Variants in ACAA2 observed in about 807,000 individuals in gnomAD.
The protein encoded by ACAA2 is acetyl-CoA acyltransferase 2.
In ACAA2, 35 loss-of-function variants were observed where a neutral mutation model predicts 44.8. That is an observed-to-expected ratio of 0.78 (90% CI 0.60 to 1.04). The LOEUF (loss-of-function observed/expected upper bound fraction) is 1.04, where lower values mean the gene tolerates loss of function less well. ACAA2 is among the 50% of genes least tolerant of loss of function. The pLI is 0.00. For synonymous variants in ACAA2, 142 were observed against 166.5 expected (o/e 0.85, Z 1.13); for missense variants, 468 against 482.6 (o/e 0.97, Z 0.28).
At chr18:49,785,839 A>C (rs957552519) in intron 8 of ACAA2, 110 of 156,644 alleles carry the variant, frequency 7.0e-4, no homozygotes, top group Non-Finnish European at 7.0e-5. Context: ...GCAAGTACTC[A>C]ATAAGTGGTT....
intron 9 of ACAA2, 29 bp from the exon 10 acceptor site, chr18:49,783,960 A>G: frequency 6.3e-7 from 1 of 1,578,262 alleles, no homozygotes; most frequent in Non-Finnish European, 8.7e-7. Flanking sequence ...ACTGAAATCT[A>G]CTCTAATAAA....
At chr18:49,799,963 G>A (rs934794715) in intron 2 of ACAA2, among the ~76,000 whole-genome samples, 2 of 150,242 alleles carry the variant, frequency 1.3e-5, no homozygotes, top group African/African-American at 4.9e-5. Context: ...TCTAAGTGAG[G>A]AGCCCCTCCG....
At chr18:49,805,876 C>G (rs2023605679) in intron 1 of ACAA2, among the ~76,000 whole-genome samples, 1 of 152,028 alleles carries the variant, frequency 6.6e-6, no homozygotes, top group Admixed American at 6.6e-5. Context: ...TAGGCATGAG[C>G]TACTGCACCT....
chr18:49,795,529 C>A (rs911694349), intron 4 of ACAA2, among the ~76,000 whole-genome samples: 2 of 152,108 alleles, frequency 1.3e-5, no homozygotes, highest in Non-Finnish European at 2.9e-5. Flanking sequence ...AATTATACTA[C>A]TAGAGGTCTG....
intron 5 of ACAA2, among the ~76,000 whole-genome samples, chr18:49,792,798 G>A (rs1469690873): frequency 6.6e-6 from 1 of 151,896 alleles, no homozygotes; most frequent in Non-Finnish European, 1.5e-5. Flanking sequence ...GAGGATTTAC[G>A]ATACCATCAT....
intron 3 of ACAA2, 25 bp from the exon 4 acceptor site, chr18:49,795,906 A>G (rs1257079932): frequency 3.4e-6 from 5 of 1,461,420 alleles, no homozygotes; most frequent in African/African-American, 1.4e-5. Flanking sequence ...ACAGTAATAA[A>G]AACTCCTTTT....
At position 49,782,989 on chromosome 18, in the gene ACAA2, C is replaced by G. The variant is rs577811159; in HGVS notation, c.*858G>C. The G allele has an allele frequency of 7.0e-4, 106 of 151,360 alleles. No homozygotes were observed. Among genetic ancestry groups the G allele is most frequent in the African/African-American group, 2.5e-3 (102 of 41,194 alleles). 9.4% of individuals were successfully genotyped at this position (151,360 alleles called of 1,614,324 possible). A position where few individuals can be genotyped will look rare whatever the true frequency, so the allele number is the denominator to read the frequency against. On this transcript the variant is annotated 3_prime_UTR_variant, in exon 10 of 10. Transcript: ENST00000285093. ...ACTAGATATCCAGTCTTAGAACAGACAAATAAAGCAATGGAAGTGTTGTGG... is the reference window on the plus strand; with the variant it reads ...ACTAGATATCCAGTCTTAGAACAGAGAAATAAAGCAATGGAAGTGTTGTGG...
chr18:49,795,711 G>C, intron 4 of ACAA2, 54 bp downstream of exon 4: 2 of 1,106,216 alleles, frequency 1.8e-6, no homozygotes, highest in Non-Finnish European at 1.3e-6. Context: ...GTTATTAAAA[G>C]TACTTATATA....
chr18:49,794,515 C>A, intron 4 of ACAA2, 88 bp from the exon 5 acceptor site: 1 of 1,086,250 alleles, frequency 9.2e-7, no homozygotes, highest in Non-Finnish European at 1.2e-6. Flanking sequence ...TCAACACTTC[C>A]AATAAACAAA....
intron 2 of ACAA2, among the ~76,000 whole-genome samples, chr18:49,801,028 G>A (rs1001175040): frequency 1.3e-5 from 2 of 151,998 alleles, no homozygotes; most frequent in Non-Finnish European, 2.9e-5. Context: ...TTCTAGCCAG[G>A]GCAATTAGGG....
At chr18:49,803,239 A>AAATAATAATAAT (rs10639158) in intron 1 of ACAA2, among the ~76,000 whole-genome samples, 9,091 of 142,276 alleles carry the variant, frequency 0.064, 312 homozygotes, top group East Asian at 0.081. Flanking sequence ...CTGGTAGTTA[A>AAATAATAATAAT]AATAATAATA....
chr18:49,793,898 A>G (rs903230404), intron 5 of ACAA2, among the ~76,000 whole-genome samples: 5 of 152,152 alleles, frequency 3.3e-5, no homozygotes, highest in African/African-American at 4.8e-5. Context: ...CCTTCTTATG[A>G]TTATGATATG....
intron 5 of ACAA2, among the ~76,000 whole-genome samples, chr18:49,792,963 A>C (rs911230034): frequency 7.9e-5 from 12 of 152,178 alleles, no homozygotes; most frequent in Non-Finnish European, 4.4e-5. Flanking sequence ...TTTAAAAATT[A>C]TATTTTTTTA....
At chr18:49,789,869 A>G (rs2023377902) in intron 7 of ACAA2, among the ~76,000 whole-genome samples, 1 of 152,138 alleles carries the variant, frequency 6.6e-6, no homozygotes. Flanking sequence ...CTGTAATCCC[A>G]GCTACTGGGA....
In ACAA2 at chr18:49,787,360, A is replaced by C. The variant is rs2023345158; in HGVS notation, c.885T>G (p.Gly295=). 7.0e-7 allele frequency: 1 copy of C among 1,430,036 alleles called. No individual in the cohort carries two copies. The highest frequency in any genetic ancestry group is 2.9e-5 in the Admixed American group (1 of 34,372). The allele number at this position is 1,430,036 out of a possible 1,614,324, so 88.6% of individuals were successfully genotyped here. The part of the protein sequence containing the change: ...SGCDPSIMGI[G]PVPAISGALK... ...GTGCCCCACTGATAGCAGGGACAGG[A>C]CCTATATAATAATAAAAATCTTCTA... The change falls in exon 8 of 10, where the codon GGT becomes GGG. Residue 295 remains glycine, a splice_region_variant and synonymous_variant. Coordinates refer to ENST00000285093, the MANE Select transcript of ACAA2 (RefSeq NM_006111.3).
At chr18:49,799,181 G>C (rs2023498757) in intron 2 of ACAA2, among the ~76,000 whole-genome samples, 5 of 152,190 alleles carry the variant, frequency 3.3e-5, no homozygotes, top group African/African-American at 9.6e-5. Flanking sequence ...TTCTCAATCT[G>C]ACAAAGGGAA....
At position 49,794,366 on chromosome 18, in the gene ACAA2, G is replaced by A; in HGVS notation, c.491C>T (p.Thr164Ile). 2.5e-6 allele frequency: 4 copies of A among 1,611,278 alleles called. No individual in the cohort carries two copies. The highest frequency in any genetic ancestry group is 2.2e-5 in the East Asian group (1 of 44,766). Reference protein sequence around the residue: ...DQHVQLPMAMTAENLAVKHKI... With the variant: ...DQHVQLPMAMIAENLAVKHKI... Reference sequence around the variant, plus strand: ...GTGTTTTACAGCAAGATTCTCTGCAGTCATTGCCATGGGGAGCTGGACATG... The same window carrying A: ...GTGTTTTACAGCAAGATTCTCTGCAATCATTGCCATGGGGAGCTGGACATG... Residue 164 changes from threonine to isoleucine, a missense_variant, in exon 5 of 10, where the codon ACT becomes ATT. Thr to Ile is a moderately conservative substitution (Grantham distance 89). Transcript: ENST00000285093.
intron 5 of ACAA2, among the ~76,000 whole-genome samples, chr18:49,793,501 ATCC>A (rs1008895348): frequency 1.3e-5 from 2 of 152,170 alleles, no homozygotes; most frequent in Admixed American, 6.5e-5. Flanking sequence ...TTCTAGACCA[ATCC>A]TCTTCCACTA....
intron 1 of ACAA2, chr18:49,812,893 G>A (rs2143988811): frequency 6.6e-6 from 1 of 152,394 alleles, no homozygotes; most frequent in African/African-American, 2.4e-5. Context: ...TTTGAAAAGG[G>A]AGTTTATTAC....
Sources: gnomAD v4.1 joint callset for allele counts (sites outside exome capture counted in the v4.1 genomes callset) on GRCh38, gnomAD v4.1.1 for gene constraint, MANE v1.5 for transcripts, NCBI Gene and HGNC (gene_info 2026-07-23, HGNC 2026-07-21) for gene names.